TMEM132D: variants seen among roughly 807,000 people sequenced by gnomAD.
TMEM132D encodes transmembrane protein 132D.
A neutral mutation model predicts 62.3 loss-of-function variants in TMEM132D; 21 were observed. That is an observed-to-expected ratio of 0.34 (90% CI 0.24 to 0.49). TMEM132D has a LOEUF of 0.49. Among genes scored for constraint, TMEM132D ranks in the 20% least tolerant of loss-of-function variants. The pLI is 0.99. For synonymous variants in TMEM132D, 621 were observed against 575.6 expected (o/e 1.08, Z -1.13); for missense variants, 1,346 against 1,402.8 (o/e 0.96, Z 0.65).
At chr12:129,889,536 A>C (rs1434180059) in intron 1 of TMEM132D, among the ~76,000 whole-genome samples, 1 of 152,214 alleles carries the variant, frequency 6.6e-6, no homozygotes, top group Non-Finnish European at 1.5e-5. Flanking sequence ...CCCCTTAGGC[A>C]ATTTGAGAAT....
chr12:129,731,836 G>A (rs372322470), intron 1 of TMEM132D, among the ~76,000 whole-genome samples: 1 of 151,926 alleles, frequency 6.6e-6, no homozygotes, highest in Non-Finnish European at 1.5e-5. Context: ...CTAATTTTTT[G>A]TATTTTTAGT....
intron 4 of TMEM132D, among the ~76,000 whole-genome samples, chr12:129,321,781 G>A (rs533543880): frequency 6.6e-6 from 1 of 152,086 alleles, no homozygotes; most frequent in Non-Finnish European, 1.5e-5. Context: ...GGGTGGTCTC[G>A]ATCTCCTGAC....
At chr12:129,338,012 C>T (rs1262758908) in intron 3 of TMEM132D, among the ~76,000 whole-genome samples, 195 bp from the exon 4 acceptor site, 1 of 152,254 alleles carries the variant, frequency 6.6e-6, no homozygotes, top group Admixed American at 6.5e-5. Context: ...GCAGCATTAG[C>T]CTGGGCTTAG....
chr12:129,790,183 C>T (rs891341918), intron 1 of TMEM132D, among the ~76,000 whole-genome samples: 6 of 152,120 alleles, frequency 3.9e-5, no homozygotes, highest in Non-Finnish European at 8.8e-5. Context: ...TGTGTGGCCC[C>T]GCGGCAGCAT....
intron 2 of TMEM132D, among the ~76,000 whole-genome samples, chr12:129,673,633 C>A (rs1880559015): frequency 6.6e-6 from 1 of 152,156 alleles, no homozygotes; most frequent in Admixed American, 6.5e-5. Context: ...ATTACACTTA[C>A]ATTCTTGCAA....
intron 2 of TMEM132D, among the ~76,000 whole-genome samples, chr12:129,661,869 T>C (rs1880245197): frequency 6.6e-6 from 1 of 152,220 alleles, no homozygotes; most frequent in Non-Finnish European, 1.5e-5. Context: ...GTGTGTTGTA[T>C]AGGATATTCA....
chr12:129,076,953 C>T (rs1056116475), intron 8 of TMEM132D, among the ~76,000 whole-genome samples: 7 of 152,218 alleles, frequency 4.6e-5, no homozygotes, highest in Non-Finnish European at 7.3e-5. Flanking sequence ...TGCCTCTCGG[C>T]TGGCATCCTT....
At chr12:129,506,770 C>G (rs1875343701) in intron 3 of TMEM132D, among the ~76,000 whole-genome samples, 1 of 152,042 alleles carries the variant, frequency 6.6e-6, no homozygotes, top group South Asian at 2.1e-4. Flanking sequence ...AAGATAACAT[C>G]AGAAAAACTC....
intron 4 of TMEM132D, among the ~76,000 whole-genome samples, chr12:129,267,598 T>C (rs59140953): frequency 0.09 from 13,720 of 152,126 alleles, 776 homozygotes; most frequent in Admixed American, 0.17. Flanking sequence ...GTGAAAATGG[T>C]CATACTGCCC....
At chr12:129,096,261 G>A (rs1008491859) in intron 5 of TMEM132D, among the ~76,000 whole-genome samples, 7 of 152,306 alleles carry the variant, frequency 4.6e-5, no homozygotes, top group South Asian at 2.1e-4. Context: ...AATCCAGGCC[G>A]GTCTGGGTCC....
At chr12:129,655,246 C>CTT (rs5801873) in intron 2 of TMEM132D, among the ~76,000 whole-genome samples, 61,324 of 139,188 alleles carry the variant, frequency 0.44, 14,598 homozygotes, top group East Asian at 0.63. Context: ...TGTGTCTAGC[C>CTT]TTTTTTTTTT....
intron 3 of TMEM132D, among the ~76,000 whole-genome samples, chr12:129,440,427 C>T (rs578042450): frequency 6.6e-6 from 1 of 152,114 alleles, no homozygotes; most frequent in Non-Finnish European, 1.5e-5. Flanking sequence ...TTCTGTGACT[C>T]ACTTTTTACT....
chr12:129,417,768 C>T lies in TMEM132D; in HGVS notation c.1116-79951G>A, dbSNP rs189859151. ...ACTATCATCAGAGTGAACAGGCAAC[C>T]TACAGAATGGGAGAAAATTTTTGCA... On this transcript the variant is annotated intron_variant, in intron 3 of 8. Transcript: ENST00000422113. 8.1e-4 allele frequency among the ~76,000 whole-genome samples: 123 copies of T among 152,236 alleles called. No homozygotes were observed. The Middle Eastern group carries it at 0.02, about 25-fold the overall frequency.
intron 1 of TMEM132D, among the ~76,000 whole-genome samples, chr12:129,837,900 G>A (rs1873055813): frequency 6.6e-6 from 1 of 152,110 alleles, no homozygotes. Flanking sequence ...AAAAACCCTG[G>A]AACGGCTAAG....
intron 5 of TMEM132D, among the ~76,000 whole-genome samples, chr12:129,200,781 C>G (rs1302236721): frequency 6.6e-6 from 1 of 152,206 alleles, no homozygotes; most frequent in African/African-American, 2.4e-5. Context: ...CATTCAGGCC[C>G]CAACACTGAA....
chr12:129,597,222 T>C (rs1362249503), intron 2 of TMEM132D, among the ~76,000 whole-genome samples: 2 of 152,132 alleles, frequency 1.3e-5, no homozygotes, highest in Admixed American at 6.5e-5. Flanking sequence ...GGGCTGACTG[T>C]ATACAATCAA....
At chr12:129,160,159 G>A (rs1386215) in intron 5 of TMEM132D, among the ~76,000 whole-genome samples, 93,014 of 152,076 alleles carry the variant, frequency 0.61, 28,925 homozygotes, top group Non-Finnish European at 0.67. Context: ...ATCAACTCCT[G>A]GTGTATGTTG....
intron 4 of TMEM132D, among the ~76,000 whole-genome samples, chr12:129,273,270 A>C (rs1707450275): frequency 6.6e-6 from 1 of 151,812 alleles, no homozygotes; most frequent in African/African-American, 2.4e-5. Context: ...TGGAGAAAAT[A>C]AAATGCTTAT....
At chr12:129,900,307 T>A (rs890450654) in intron 1 of TMEM132D, among the ~76,000 whole-genome samples, 3 of 152,152 alleles carry the variant, frequency 2.0e-5, no homozygotes, top group Non-Finnish European at 4.4e-5. Flanking sequence ...TATTACCAAG[T>A]ATTAAACATC....
Sources: gnomAD v4.1 joint callset for allele counts (sites outside exome capture counted in the v4.1 genomes callset) on GRCh38, gnomAD v4.1.1 for gene constraint, MANE v1.5 for transcripts, NCBI Gene and HGNC (gene_info 2026-07-23, HGNC 2026-07-21) for gene names.